Variants in RARB observed in about 807,000 individuals in gnomAD.
RARB encodes the protein HBV-activated protein.
Under a neutral mutation model 51.9 loss-of-function variants are expected in RARB, and 17 were observed. That is an observed-to-expected ratio of 0.33 (90% CI 0.22 to 0.49). The LOEUF is 0.49. RARB is among the 20% of genes least tolerant of loss of function. The probability of loss-of-function intolerance (pLI) is 0.99; values close to 1 mark genes in which losing one functional copy is unlikely to be tolerated. For synonymous variants in RARB, 215 were observed against 195.4 expected (o/e 1.10, Z -0.84); for missense variants, 369 against 550.8 (o/e 0.67, Z 3.30).
At chr3:25,550,856 T>C (rs1384243565) in intron 3 of RARB, among the ~76,000 whole-genome samples, 1 of 152,194 alleles carries the variant, frequency 6.6e-6, no homozygotes, top group Non-Finnish European at 1.5e-5. Flanking sequence ...TTTCTGAACC[T>C]GCATTAGTTT....
At chr3:25,099,046 G>A (rs893818270) in intron 3 of RARB, among the ~76,000 whole-genome samples, 19 of 152,128 alleles carry the variant, frequency 1.2e-4, no homozygotes, top group South Asian at 2.1e-4. Flanking sequence ...CAACCTCAGT[G>A]CTTGGCTGTG....
At chr3:24,937,090 G>A (rs1313891328) in intron 2 of RARB, among the ~76,000 whole-genome samples, 1 of 151,942 alleles carries the variant, frequency 6.6e-6, no homozygotes, top group African/African-American at 2.4e-5. Context: ...TGTAATTTAA[G>A]AATATCACTT....
chr3:25,229,577 C>T (rs1702129852), intron 5 of RARB, among the ~76,000 whole-genome samples: 1 of 151,944 alleles, frequency 6.6e-6, no homozygotes, highest in Non-Finnish European at 1.5e-5. Context: ...ATGTGTGGAC[C>T]TTTTGCTATT....
intron 1 of RARB, among the ~76,000 whole-genome samples, chr3:25,453,812 C>A (rs1286104507): frequency 6.6e-6 from 1 of 152,208 alleles, no homozygotes; most frequent in African/African-American, 2.4e-5. Context: ...TGAGTCAAGA[C>A]TGCCAAAGCC....
intron 5 of RARB, among the ~76,000 whole-genome samples, chr3:25,249,241 G>T (rs536409001): frequency 1.3e-5 from 2 of 151,748 alleles, no homozygotes; most frequent in Non-Finnish European, 2.9e-5. Context: ...AATGTATTTT[G>T]TATGGCATTT....
At chr3:25,150,241 A>G (rs1160219572) in intron 4 of RARB, among the ~76,000 whole-genome samples, 3 of 152,068 alleles carry the variant, frequency 2.0e-5, no homozygotes, top group Non-Finnish European at 2.9e-5. Flanking sequence ...CCTGATACGC[A>G]TAGCATGATG....
At chr3:24,889,502 G>T (rs1355551444) in intron 2 of RARB, among the ~76,000 whole-genome samples, 2 of 152,084 alleles carry the variant, frequency 1.3e-5, no homozygotes, top group African/African-American at 2.4e-5. Flanking sequence ...TATTTCCAAA[G>T]AAATTTTTAC....
chr3:24,926,406 C>A lies in RARB; in HGVS notation c.-380+67654C>A, dbSNP rs543443482. On this transcript the variant is annotated intron_variant, in intron 2 of 11. Transcript: ENST00000383772. ...GTGGTGCTTTAAATACAAATGGCAA[C>A]AGTTTTGCCATCAAATACAAGTTCA... is the stretch of plus-strand genomic sequence containing the variant. Among the ~76,000 whole-genome samples, 60 of 152,218 alleles carry A rather than the reference C, an allele frequency of 3.9e-4. 1 individual carries two copies. Among genetic ancestry groups the A allele is most frequent in the African/African-American group, 1.4e-3 (59 of 41,540 alleles).
chr3:25,458,647 A>G (rs77790606), intron 1 of RARB, among the ~76,000 whole-genome samples: 8,191 of 152,222 alleles, frequency 0.054, 329 homozygotes, highest in Admixed American at 0.12. Flanking sequence ...TCTGCCAGAA[A>G]TAATGTACTC....
chr3:25,288,100 C>G (rs1258320590), intron 5 of RARB, among the ~76,000 whole-genome samples: 1 of 151,842 alleles, frequency 6.6e-6, no homozygotes, highest in Non-Finnish European at 1.5e-5. Context: ...AAAGTAAGTA[C>G]CAAATATAGC....
At chr3:25,266,393 C>T (rs895160994) in intron 5 of RARB, among the ~76,000 whole-genome samples, 3 of 152,056 alleles carry the variant, frequency 2.0e-5, no homozygotes, top group Non-Finnish European at 4.4e-5. Context: ...ATTATTCACA[C>T]CTTTTCCCCT....
intron 2 of RARB, among the ~76,000 whole-genome samples, chr3:24,952,600 CTCTA>C (rs957752523): frequency 7.9e-5 from 12 of 152,276 alleles, no homozygotes; most frequent in African/African-American, 2.6e-4. Context: ...CACTCTCAGT[CTCTA>C]TCTAGCTTGG....
chr3:25,377,140 G>T (rs1379711400), intron 5 of RARB, among the ~76,000 whole-genome samples: 1 of 151,902 alleles, frequency 6.6e-6, no homozygotes, highest in African/African-American at 2.4e-5. Context: ...ACAGATGTTT[G>T]CACAAATAGT....
intron 3 of RARB, among the ~76,000 whole-genome samples, chr3:25,077,600 G>C (rs888955995): frequency 3.3e-5 from 5 of 152,040 alleles, no homozygotes; most frequent in African/African-American, 4.8e-5. Flanking sequence ...TGGACATTTG[G>C]TTATTTCCAG....
intron 2 of RARB, among the ~76,000 whole-genome samples, chr3:25,495,580 A>G (rs1360715654): frequency 2.0e-5 from 3 of 152,256 alleles, no homozygotes; most frequent in African/African-American, 4.8e-5. Flanking sequence ...TAATGCATAT[A>G]TAGCCTTCTC....
intron 2 of RARB, among the ~76,000 whole-genome samples, chr3:24,893,990 TTGAACAAACAAA>T (rs1703434307): frequency 6.7e-6 from 1 of 149,106 alleles, no homozygotes; most frequent in African/African-American, 2.6e-5. Flanking sequence ...GAAATATTTG[TTGAACAAACAAA>T]TGAACAAATA....
chr3:25,228,532 A>G (rs1559514017), intron 5 of RARB, among the ~76,000 whole-genome samples: 1 of 151,736 alleles, frequency 6.6e-6, no homozygotes, highest in East Asian at 1.9e-4. Flanking sequence ...GATATTCTTC[A>G]CACCTACTAA....
At chr3:25,434,573 G>T (rs1033493076) in intron 1 of RARB, among the ~76,000 whole-genome samples, 3 of 121,380 alleles carry the variant, frequency 2.5e-5, no homozygotes, top group Admixed American at 1.1e-4. Flanking sequence ...ATGGAGTCTC[G>T]CCCTGTTGCC....
At chr3:25,343,388 T>G (rs1020469201) in intron 5 of RARB, among the ~76,000 whole-genome samples, 1 of 152,088 alleles carries the variant, frequency 6.6e-6, no homozygotes, top group Admixed American at 6.6e-5. Context: ...TAATGCATAG[T>G]TGTAAAAAAG....
Sources: gnomAD v4.1 joint callset for allele counts (sites outside exome capture counted in the v4.1 genomes callset) on GRCh38, gnomAD v4.1.1 for gene constraint, MANE v1.5 for transcripts, NCBI Gene and HGNC (gene_info 2026-07-23, HGNC 2026-07-21) for gene names.